THOP1: variants seen among roughly 807,000 people sequenced by gnomAD.
THOP1 encodes the protein thimet oligopeptidase.
A neutral mutation model predicts 71.8 loss-of-function variants in THOP1; 49 were observed. The ratio of observed to expected loss-of-function variants is 0.68; its 90% confidence interval spans 0.54 to 0.87. THOP1 has a LOEUF of 0.87. THOP1 is among the 40% of genes least tolerant of loss of function. The pLI, the probability that THOP1 is intolerant of heterozygous loss-of-function variation, is 0.00. For synonymous variants in THOP1, 426 were observed against 421.5 expected (o/e 1.01, Z -0.13); for missense variants, 843 against 975.6 (o/e 0.86, Z 1.81).
At chr19:2,810,960 C>T (rs908289244) in intron 11 of THOP1, among the ~76,000 whole-genome samples, 192 bp downstream of exon 11, 2 of 152,210 alleles carry the variant, frequency 1.3e-5, no homozygotes, top group Non-Finnish European at 1.5e-5. Context: ...GGGTCGGGGA[C>T]GGGTGTGCGG....
chr19:2,807,180 C>A, intron 7 of THOP1, 128 bp downstream of exon 7: 1 of 1,326,230 alleles, frequency 7.5e-7, no homozygotes, highest in Non-Finnish European at 1.0e-6. Flanking sequence ...CTGACGCCTG[C>A]CCTGGCTCCC....
At chr19:2,791,168 C>T (rs961375102) in intron 2 of THOP1, among the ~76,000 whole-genome samples, 1 of 152,226 alleles carries the variant, frequency 6.6e-6, no homozygotes, top group Non-Finnish European at 1.5e-5. Flanking sequence ...CGATCCTCCT[C>T]CTCTCCTTGG....
intron 12 of THOP1, chr19:2,812,428 G>T (rs1916501393): frequency 7.0e-7 from 1 of 1,423,742 alleles, no homozygotes; most frequent in South Asian, 1.5e-5. Context: ...AGGTGCAGAG[G>T]CCAGGACCTG....
intron 6 of THOP1, chr19:2,806,684 C>T (rs956130785): frequency 2.1e-5 from 13 of 612,984 alleles, no homozygotes; most frequent in Admixed American, 3.5e-5. Context: ...TACCACGTTC[C>T]GTGTGAGGCC....
chr19:2,807,447 C>G lies in THOP1; in HGVS notation c.892C>G (p.Leu298Val). 1 of 1,588,514 alleles carries G rather than the reference C, an allele frequency of 6.3e-7. No individual in the cohort carries two copies. The highest frequency in any genetic ancestry group is 1.1e-5 in the South Asian group (1 of 89,586). Residue 298 changes from leucine to valine, a missense_variant, in exon 8 of 13, where the codon CTG becomes GTG. By Grantham distance (32) the Leu-to-Val change is conservative (BLOSUM62 1). Coordinates refer to ENST00000307741, the MANE Select transcript of THOP1 (RefSeq NM_003249.5). ...CCTTTCTGCCCTCCCCGCAGATGAG[C>G]TGGCGCAGAAGCTGAAGCCCCTGGG... is the stretch of plus-strand genomic sequence containing the variant. ...SQTVATFLDE[L>V]AQKLKPLGEQ... is the part of the protein sequence containing the mutation.
At position 2,810,767 on chromosome 19, in the gene THOP1, AG is replaced by A; in HGVS notation, c.1771+1del. 1 of 1,602,866 alleles carries A rather than the reference AG, an allele frequency of 6.2e-7. No homozygotes were observed. Among genetic ancestry groups the A allele is most frequent in the African/African-American group, 1.3e-5 (1 of 74,994 alleles). On this transcript the variant is annotated frameshift_variant and splice_region_variant, in exon 11 of 13. Coordinates refer to ENST00000307741, the MANE Select transcript of THOP1 (RefSeq NM_003249.5). LOFTEE classifies it high-confidence loss of function. ...AGATCCTCGGGGTCCCGGCCACGCC[AG>A]GTAGCCACCCTTGAGCCGGGCACAC... ...QEILGVPATP[G>X]TNMPATFGHL...
At chr19:2,806,102 C>T (rs10415483) in intron 6 of THOP1, 2,492 of 152,598 alleles carry the variant, frequency 0.016, 70 homozygotes, top group African/African-American at 0.057. Context: ...TCAGATGGGG[C>T]GTGGCCTGCC....
rs536321502 is a variant in THOP1, at chr19:2,810,830, G to C, written c.1771+62G>C. 1.9e-6 allele frequency: 3 copies of C among 1,554,450 alleles called. No homozygotes were observed. The Admixed American group carries it at 5.4e-5, about 28-fold the overall frequency. On this transcript the variant is annotated intron_variant, in intron 11 of 12. Coordinates refer to ENST00000307741, the MANE Select transcript of THOP1 (RefSeq NM_003249.5). ...GAGCCTCAGCTGCTTCCCTGGGAAG[G>C]TGAAGGGAGTTGGTCCCCATGCTTC...
intron 2 of THOP1, among the ~76,000 whole-genome samples, chr19:2,792,083 A>G (rs1227454090): frequency 6.6e-6 from 1 of 152,236 alleles, no homozygotes; most frequent in Non-Finnish European, 1.5e-5. Flanking sequence ...AGCTGCCTGG[A>G]TTAGTCCCTG....
chr19:2,802,717 A>G (rs1190587712), intron 5 of THOP1, among the ~76,000 whole-genome samples: 4 of 152,208 alleles, frequency 2.6e-5, no homozygotes, highest in Non-Finnish European at 2.9e-5. Context: ...GTCATACACT[A>G]GTTGCCATGT....
Position 2,806,861 on chromosome 19 carries a change from C to G in THOP1, c.751-56C>G. On this transcript the variant is annotated intron_variant, in intron 6 of 12. Transcript: ENST00000307741. The stretch of plus-strand genomic sequence containing the variant: ...TGGCCCTGGGACAGGGCGTGCTGGC[C>G]CTGGAGGTGGAGGGAGTGGCGCCCC... The G allele has an allele frequency of 1.9e-6, 3 of 1,609,882 alleles. No individual in the cohort carries two copies. The South Asian group carries it at 3.3e-5, about 18-fold the overall frequency.
chr19:2,807,119 A>G, intron 7 of THOP1, 67 bp downstream of exon 7: 1 of 1,513,498 alleles, frequency 6.6e-7, no homozygotes, highest in Non-Finnish European at 8.8e-7. Flanking sequence ...CCCAGGGGAC[A>G]GTCGGTGCTA....
intron 1 of THOP1, among the ~76,000 whole-genome samples, chr19:2,786,176 C>T (rs1410718887): frequency 6.6e-6 from 1 of 151,996 alleles, no homozygotes. Context: ...CTGCCAAGAC[C>T]GGGGAAGGAG....
chr19:2,792,809 G>A (rs1599520328), intron 2 of THOP1, among the ~76,000 whole-genome samples: 3 of 152,032 alleles, frequency 2.0e-5, no homozygotes, highest in Admixed American at 6.6e-5. Flanking sequence ...GTGTGCCACC[G>A]TGCCTGGCTA....
chr19:2,802,161 C>T (rs931358096), intron 5 of THOP1, among the ~76,000 whole-genome samples: 6 of 151,434 alleles, frequency 4.0e-5, no homozygotes. Context: ...ACACCACCAT[C>T]TCCAACACCG....
At chr19:2,792,631 T>C (rs910540160) in intron 2 of THOP1, among the ~76,000 whole-genome samples, 3 of 151,716 alleles carry the variant, frequency 2.0e-5, no homozygotes, top group Non-Finnish European at 4.4e-5. Context: ...TTAAAAAAAA[T>C]TATTATTATT....
At chr19:2,796,995 CAG>C (rs1361794926) in intron 4 of THOP1, among the ~76,000 whole-genome samples, 1 of 152,186 alleles carries the variant, frequency 6.6e-6, no homozygotes, top group East Asian at 1.9e-4. Context: ...GCGGCACCAA[CAG>C]AGCAGTGGCG....
intron 12 of THOP1, among the ~76,000 whole-genome samples, 168 bp from the exon 13 acceptor site, chr19:2,812,947 G>A (rs1916517727): frequency 6.6e-6 from 1 of 152,144 alleles, no homozygotes; most frequent in South Asian, 2.1e-4. Context: ...CTGATGAAAG[G>A]CACCTGCGCT....
In THOP1 at chr19:2,811,820, G is replaced by A. The variant is rs1806993; in HGVS notation, c.1908+86G>A. The A allele has an allele frequency of 2.1e-4, 326 of 1,518,088 alleles. 7 individuals carry two copies. In the African/African-American group the frequency reaches 4.7e-3, roughly 22 times the overall value. The allele number at this position is 1,518,088 out of a possible 1,614,324, so 94.0% of individuals were successfully genotyped here. A position where few individuals can be genotyped will look rare whatever the true frequency, so the allele number is the denominator to read the frequency against. ...ACAGGGAGGGCGTCCTGAATGGCAAGGTACGCGGGGACTGGGGACAGGGAG... is the reference window on the plus strand; with the variant it reads ...ACAGGGAGGGCGTCCTGAATGGCAAAGTACGCGGGGACTGGGGACAGGGAG... On this transcript the variant is annotated intron_variant, in intron 12 of 12. Coordinates refer to ENST00000307741, the MANE Select transcript of THOP1 (RefSeq NM_003249.5).
Sources: allele counts gnomAD v4.1 joint callset (sites outside exome capture counted in the v4.1 genomes callset), GRCh38; gene constraint gnomAD v4.1.1; transcripts MANE v1.5; gene names NCBI Gene and HGNC (gene_info 2026-07-23, HGNC 2026-07-21).